Variants in SRPK2 observed in about 807,000 individuals in gnomAD.
The protein encoded by SRPK2 is SFRS protein kinase 2.
In SRPK2, 21 loss-of-function variants were observed where a neutral mutation model predicts 90.8. That is an observed-to-expected ratio of 0.23 (90% CI 0.16 to 0.33). The LOEUF (loss-of-function observed/expected upper bound fraction) is 0.33, where lower values mean the gene tolerates loss of function less well. Among genes scored for constraint, SRPK2 ranks in the 10% least tolerant of loss-of-function variants. The probability of loss-of-function intolerance (pLI) is 1.00; values close to 1 mark genes in which losing one functional copy is unlikely to be tolerated. For synonymous variants in SRPK2, 288 were observed against 311.1 expected, an observed-to-expected ratio of 0.93 and a Z score of 0.78; for missense variants, 620 against 869.0, an observed-to-expected ratio of 0.71 and a Z score of 3.60.
At chr7:105,247,026 G>A (rs544848923) in intron 2 of SRPK2, among the ~76,000 whole-genome samples, 3 of 152,236 alleles carry the variant, frequency 2.0e-5, no homozygotes, top group African/African-American at 7.2e-5. Flanking sequence ...TGCCTCCTAA[G>A]GGCATTCACA....
chr7:105,118,140 A>G, intron 15 of SRPK2, 118 bp from the exon 16 acceptor site: 1 of 900,732 alleles, frequency 1.1e-6, no homozygotes, highest in Non-Finnish European at 1.7e-6. Flanking sequence ...CTTGTACAGC[A>G]ACAACAAAGA....
intron 2 of SRPK2, among the ~76,000 whole-genome samples, chr7:105,369,888 G>A (rs933323264): frequency 2.0e-5 from 3 of 151,998 alleles, no homozygotes; most frequent in African/African-American, 7.3e-5. Flanking sequence ...TTAGCCAGGC[G>A]TGGTGGCGCA....
chr7:105,247,315 C>T (rs1260174387), intron 2 of SRPK2, among the ~76,000 whole-genome samples: 1 of 152,010 alleles, frequency 6.6e-6, no homozygotes, highest in East Asian at 1.9e-4. Context: ...CTCACTTTTT[C>T]GTCTGTAAAA....
intron 2 of SRPK2, among the ~76,000 whole-genome samples, chr7:105,216,667 AAAAG>A (rs1019321275): frequency 5.9e-5 from 9 of 151,866 alleles, no homozygotes; most frequent in African/African-American, 2.2e-4. Flanking sequence ...AAAAAAAAAA[AAAAG>A]AGAGAGAGAG....
chr7:105,388,013 C>G (rs1227569563), intron 2 of SRPK2, among the ~76,000 whole-genome samples: 2 of 152,248 alleles, frequency 1.3e-5, no homozygotes, highest in East Asian at 1.9e-4. Context: ...CACGCTCAAC[C>G]CGAGCGGAAA....
At chr7:105,228,060 G>A (rs1048152894) in intron 2 of SRPK2, among the ~76,000 whole-genome samples, 8 of 151,880 alleles carry the variant, frequency 5.3e-5, no homozygotes, top group Non-Finnish European at 1.5e-5. Flanking sequence ...CTTTTTTTCT[G>A]AGACGAGGTC....
chr7:105,363,572 G>T (rs529601213), intron 2 of SRPK2, among the ~76,000 whole-genome samples: 1 of 152,130 alleles, frequency 6.6e-6, no homozygotes, highest in African/African-American at 2.4e-5. Context: ...ACTTTTACAC[G>T]GTTGGTGGGA....
intron 2 of SRPK2, chr7:105,306,166 GT>G: frequency 5.8e-6 from 1 of 171,354 alleles, no homozygotes; most frequent in Non-Finnish European, 1.3e-5. Flanking sequence ...ATCTGATGTA[GT>G]TTTTGAAGCC....
At chr7:105,296,394 C>A (rs891643444) in intron 2 of SRPK2, among the ~76,000 whole-genome samples, 2 of 152,014 alleles carry the variant, frequency 1.3e-5, no homozygotes, top group Non-Finnish European at 2.9e-5. Flanking sequence ...ACTCATATTT[C>A]TTAAGGCAAA....
At chr7:105,393,459 CTTTT>C (rs58162170), upstream of SRPK2, among the ~76,000 whole-genome samples, 2 of 81,228 alleles carry the variant, frequency 2.5e-5, no homozygotes, top group African/African-American at 8.8e-5. Flanking sequence ...TCTGGTTTTT[CTTTT>C]TTTTTTTTTT....
At chr7:105,349,646 G>C (rs1816919389) in intron 2 of SRPK2, among the ~76,000 whole-genome samples, 1 of 152,050 alleles carries the variant, frequency 6.6e-6, no homozygotes, top group South Asian at 2.1e-4. Context: ...AAAGTCCTAG[G>C]GTCAAGGACT....
intron 2 of SRPK2, among the ~76,000 whole-genome samples, chr7:105,309,323 A>G (rs1292143233): frequency 1.3e-5 from 2 of 152,204 alleles, no homozygotes; most frequent in South Asian, 2.1e-4. Context: ...GGAATCTACA[A>G]ACTTCAGAAT....
intron 2 of SRPK2, among the ~76,000 whole-genome samples, chr7:105,327,166 G>A (rs139435124): frequency 0.012 from 1,819 of 152,212 alleles, 36 homozygotes; most frequent in African/African-American, 0.042. Context: ...CAGCATGCCA[G>A]CTGTATTTGT....
intron 2 of SRPK2, among the ~76,000 whole-genome samples, chr7:105,230,302 C>T (rs753651875): frequency 3.3e-5 from 5 of 152,140 alleles, no homozygotes; most frequent in Non-Finnish European, 7.4e-5. Flanking sequence ...GAACAAAGGG[C>T]GGACAAACAG....
At chr7:105,214,672 T>C (rs1018479380) in intron 2 of SRPK2, among the ~76,000 whole-genome samples, 4 of 152,196 alleles carry the variant, frequency 2.6e-5, no homozygotes, top group Admixed American at 6.5e-5. Flanking sequence ...AAACGTACTA[T>C]GAAAACTGCA....
chr7:105,185,837 A>G (rs1420718857), intron 3 of SRPK2, among the ~76,000 whole-genome samples: 1 of 152,170 alleles, frequency 6.6e-6, no homozygotes, highest in Non-Finnish European at 1.5e-5. Context: ...TAGGCACCCA[A>G]CATAGCAATT....
intron 2 of SRPK2, among the ~76,000 whole-genome samples, chr7:105,302,942 C>T (rs1470348114): frequency 5.3e-5 from 8 of 151,604 alleles, no homozygotes; most frequent in Admixed American, 3.3e-4. Context: ...GGCATGGTGG[C>T]GGGCGCCTGT....
chr7:105,299,452 A>G (rs1810257321), intron 2 of SRPK2, among the ~76,000 whole-genome samples: 1 of 152,224 alleles, frequency 6.6e-6, no homozygotes, highest in African/African-American at 2.4e-5. Context: ...TAACACATAT[A>G]TTGCTAGCTA....
chr7:105,121,099 G>A, intron 15 of SRPK2, among the ~76,000 whole-genome samples: 1 of 152,150 alleles, frequency 6.6e-6, no homozygotes, highest in East Asian at 1.9e-4. Context: ...TGTAATTCCA[G>A]CACTCTGGGA....
Sources: gnomAD v4.1 joint callset for allele counts (sites outside exome capture counted in the v4.1 genomes callset) on GRCh38, gnomAD v4.1.1 for gene constraint, MANE v1.5 for transcripts, NCBI Gene and HGNC (gene_info 2026-07-23, HGNC 2026-07-21) for gene names.